The following KRT25 variants were observed in gnomAD, a reference collection of about 807,000 sequenced individuals.
KRT25 encodes the protein keratin, type I cytoskeletal 25.
A neutral mutation model predicts 47.6 loss-of-function variants in KRT25; 37 were observed. The ratio of observed to expected loss-of-function variants is 0.78; its 90% confidence interval spans 0.60 to 1.02. The LOEUF is 1.02. KRT25 is among the 50% of genes least tolerant of loss of function. The probability of loss-of-function intolerance (pLI) is 0.00; values close to 1 mark genes in which losing one functional copy is unlikely to be tolerated. For synonymous variants in KRT25, 203 were observed against 210.2 expected, an observed-to-expected ratio of 0.97 and a Z score of 0.30; for missense variants, 542 against 550.3, an observed-to-expected ratio of 0.98 and a Z score of 0.15.
intron 3 of KRT25, among the ~76,000 whole-genome samples, chr17:40,752,116 A>G (rs2038055841): frequency 1.3e-5 from 2 of 152,184 alleles, no homozygotes; most frequent in Admixed American, 1.3e-4. Flanking sequence ...GAGGATAATT[A>G]AAAACCCTTC....
At position 40,750,361 on chromosome 17, in the gene KRT25, T is replaced by C. The variant is rs534059703; in HGVS notation, c.1175+19A>G. ...AGATTTCAGTATATTACGCCATCTA[T>C]GCAGATTATTTTACCTACCCATCAT... On this transcript the variant is annotated intron_variant, in intron 6 of 7. Transcript: ENST00000312150. 11 of 1,611,394 alleles carry C rather than the reference T, an allele frequency of 6.8e-6. No homozygotes were observed. The South Asian group carries it at 9.9e-5, about 14-fold the overall frequency.
intron 2 of KRT25, 116 bp from the exon 3 acceptor site, chr17:40,754,132 C>T (rs565684250): frequency 2.9e-6 from 3 of 1,027,988 alleles, no homozygotes; most frequent in African/African-American, 3.2e-5. Flanking sequence ...CCACAAGAGG[C>T]ATTTTCAAAG....
chr17:40,754,153 A>G (rs1171189996), intron 2 of KRT25, 137 bp from the exon 3 acceptor site: 2 of 891,314 alleles, frequency 2.2e-6, no homozygotes, highest in African/African-American at 1.7e-5. Context: ...CTTGTTGTAT[A>G]ATAATTATTG....
rs771083420 is a variant in KRT25 at position 40,751,191 on chromosome 17, C to T, written c.805G>A (p.Asp269Asn). The T allele has an allele frequency of 1.2e-6, 2 of 1,614,078 alleles. No homozygotes were observed. Among genetic ancestry groups the T allele is most frequent in the Non-Finnish European group, 8.5e-7 (1 of 1,180,024 alleles). ...YEALAEQNRR[D>N]AEAWFNEKSA... ...TTCTCGTTGAACCAGGCCTCCGCGTCCCTGCGGTTCTGCTCTGCAAGGGCT... is the reference window on the plus strand; with the variant it reads ...TTCTCGTTGAACCAGGCCTCCGCGTTCCTGCGGTTCTGCTCTGCAAGGGCT... Residue 269 changes from aspartate (D) to asparagine (N), a missense_variant, in exon 4 of 8, where the codon GAC becomes AAC. Physicochemically the swap from Asp to Asn is conservative, Grantham distance 23. Transcript: ENST00000312150.
At chr17:40,750,344 G>A in intron 6 of KRT25, 36 bp downstream of exon 6, 1 of 1,601,580 alleles carries the variant, frequency 6.2e-7, no homozygotes, top group Non-Finnish European at 8.6e-7. Flanking sequence ...GCAGATTTCA[G>A]TATATTACGC....
rs895041919 is a variant in KRT25, at chr17:40,750,319, G to A, written c.1175+61C>T. On this transcript the variant is annotated intron_variant, in intron 6 of 7. Coordinates refer to ENST00000312150, the MANE Select transcript of KRT25 (RefSeq NM_181534.4). ...TATGTCCGCTTTCCAGTGGAAAGTG[G>A]GATCTAAGTTGCAAGCAGATTTCAG... is the stretch of plus-strand genomic sequence containing the variant. The A allele has an allele frequency of 2.9e-5, 45 of 1,533,562 alleles. No homozygotes were observed. The African/African-American group carries it at 5.5e-4, about 19-fold the overall frequency. The allele number at this position is 1,533,562 out of a possible 1,614,324, so 95.0% of individuals were successfully genotyped here. A position where few individuals can be genotyped will look rare whatever the true frequency, so the allele number is the denominator to read the frequency against.
In KRT25 at chr17:40,754,009, T is replaced by C. The variant is rs774300352; in HGVS notation, c.520A>G (p.Asn174Asp). The part of the protein sequence containing the change: ...TADDFRLKYE[N>D]ELALHQSVEA... ...ACACTCTGGTGAAGAGCCAGCTCAT[T>C]TTCATACCTTAAAGAGTGTTAATGA... The change falls in exon 3 of 8, where the codon AAT (asparagine) becomes GAT (aspartate). Residue 174 changes from asparagine (N) to aspartate (D), a missense_variant. Coordinates refer to ENST00000312150, the MANE Select transcript of KRT25 (RefSeq NM_181534.4). 1 of 1,614,028 alleles carries C rather than the reference T, an allele frequency of 6.2e-7. No individual in the cohort carries two copies. Among genetic ancestry groups the C allele is most frequent in the Non-Finnish European group, 8.5e-7 (1 of 1,179,924 alleles).
chr17:40,749,150 G>A lies in KRT25; in HGVS notation c.1243+108C>T, dbSNP rs181222157. ...CAAATAATATGCACAACAAACCTCC[G>A]TGACACGTGTTTACCTATGTAACAA... On this transcript the variant is annotated intron_variant, in intron 7 of 7. Transcript: ENST00000312150. The A allele has an allele frequency of 5.2e-4, 407 of 789,922 alleles. 3 individuals carry two copies. The East Asian group carries it at 9.3e-3, about 18-fold the overall frequency. 48.9% of individuals were successfully genotyped at this position (789,922 alleles called of 1,614,324 possible). A position where few individuals can be genotyped will look rare whatever the true frequency, so the allele number is the denominator to read the frequency against.
At chr17:40,755,345 T>C (rs2038097866), upstream of KRT25, 32 of 1,443,458 alleles carry the variant, frequency 2.2e-5, no homozygotes, top group Non-Finnish European at 2.7e-5. Flanking sequence ...CTAAAAGGTT[T>C]GGTTTGCCTT....
At chr17:40,754,352 C>T (rs556339566) in intron 2 of KRT25, 34 bp downstream of exon 2, 14 of 1,534,688 alleles carry the variant, frequency 9.1e-6, no homozygotes, top group East Asian at 2.2e-5. Context: ...GCATGAATTG[C>T]CATGAATTCA....
rs2038035636 is a variant in KRT25 at position 40,750,470 on chromosome 17, T to C, written c.1085A>G (p.Gln362Arg). The C allele has an allele frequency of 6.2e-7, 1 of 1,614,090 alleles. No homozygotes were observed. Among genetic ancestry groups the C allele is most frequent in the Non-Finnish European group, 8.5e-7 (1 of 1,179,940 alleles). The change falls in exon 6 of 8, where the codon CAG (glutamine) becomes CGG (arginine). Residue 362 changes from glutamine (Q) to arginine (R), a missense_variant. Coordinates refer to ENST00000312150, the MANE Select transcript of KRT25 (RefSeq NM_181534.4). ...CAGGAGCTGCTCATACTCCAGCTTC[T>C]GGCCCTCGGTCTCGGTTCTGACCTG... Reference protein sequence around the residue: ...LHQVRTETEGQKLEYEQLLDI... With the variant: ...LHQVRTETEGRKLEYEQLLDI...
At chr17:40,749,430 A>C in intron 6 of KRT25, 105 bp from the exon 7 acceptor site, 1 of 834,884 alleles carries the variant, frequency 1.2e-6, no homozygotes, top group East Asian at 2.4e-5. Context: ...TGTGTAACCC[A>C]GTATTTGATT....
At chr17:40,748,707 G>A (rs74826216) in intron 7 of KRT25, among the ~76,000 whole-genome samples, 2,334 of 152,210 alleles carry the variant, frequency 0.015, 54 homozygotes, top group African/African-American at 0.053. Context: ...TGAAGTAGTT[G>A]GGTATATATA....
In KRT25 at chr17:40,754,373, G is replaced by C. The variant is rs1427459272; in HGVS notation, c.512+13C>G. 1 of 1,603,986 alleles carries C rather than the reference G, an allele frequency of 6.2e-7. No homozygotes were observed. Among genetic ancestry groups the C allele is most frequent in the Non-Finnish European group, 8.5e-7 (1 of 1,171,082 alleles). ...ATTGCCATGAATTCATTTCACTCTG[G>C]CAGTCTACTTACTTGAGTCTGAAAT... On this transcript the variant is annotated intron_variant, in intron 2 of 7. Coordinates refer to ENST00000312150, the MANE Select transcript of KRT25 (RefSeq NM_181534.4).
Position 40,750,509 on chromosome 17 carries a change from T to A in KRT25, c.1046A>T (p.Glu349Val). The A allele has an allele frequency of 6.2e-7, 1 of 1,614,176 alleles. No individual in the cohort carries two copies. The highest frequency in any genetic ancestry group is 8.5e-7 in the Non-Finnish European group (1 of 1,180,002). The change falls in exon 6 of 8, where the codon GAG (glutamate) becomes GTG (valine). Residue 349 changes from glutamate (E) to valine (V), a missense_variant. Glu to Val is a moderately radical substitution (Grantham distance 121, BLOSUM62 -2). Coordinates refer to ENST00000312150, the MANE Select transcript of KRT25 (RefSeq NM_181534.4). The part of the protein sequence containing the change: ...AQIQAQIGAL[E>V]EQLHQVRTET... ...GGTTCTGACCTGGTGCAGCTGCTCCTCCAGGGCCCCGATCTGAGCCTGGAT... is the reference window on the plus strand; with the variant it reads ...GGTTCTGACCTGGTGCAGCTGCTCCACCAGGGCCCCGATCTGAGCCTGGAT...
Position 40,750,954 on chromosome 17 carries a change from C to T in KRT25, c.957G>A (p.Thr319=), listed in dbSNP as rs2144124425. ...TGAAAAAAAATTGTTCTTTTCATAC[C>T]GTGGCTAGGAGAGACTGAAGTTCAA... ...LEIELQSLLA[T]KHSLECSLTE... The change falls in exon 5 of 8, where the codon ACG becomes ACA. Residue 319 remains threonine, a splice_region_variant and synonymous_variant. Coordinates refer to ENST00000312150, the MANE Select transcript of KRT25 (RefSeq NM_181534.4). 1 of 1,613,520 alleles carries T rather than the reference C, an allele frequency of 6.2e-7. No individual in the cohort carries two copies. The highest frequency in any genetic ancestry group is 2.2e-5 in the East Asian group (1 of 44,864).
chr17:40,751,075 G>A lies in KRT25; in HGVS notation c.836C>T (p.Ala279Val). 1 of 1,614,144 alleles carries A rather than the reference G, an allele frequency of 6.2e-7. No homozygotes were observed. The highest frequency in any genetic ancestry group is 1.1e-5 in the South Asian group (1 of 91,080). Residue 279 changes from alanine to valine, a missense_variant, in exon 5 of 8, where the codon GCC becomes GTC. Ala to Val is a moderately conservative substitution (Grantham distance 64). Coordinates refer to ENST00000312150, the MANE Select transcript of KRT25 (RefSeq NM_181534.4). ...DAEAWFNEKS[A>V]SLQQQISEDV... ...CTCAGAGATCTGCTGCTGCAGGGAG[G>A]CGCTCTGAAATGACATAAGTGAAGG... is the stretch of plus-strand genomic sequence containing the variant.
chr17:40,748,223 A>G lies in KRT25; in HGVS notation c.*54T>C. 1 of 1,164,498 alleles carries G rather than the reference A, an allele frequency of 8.6e-7. No individual in the cohort carries two copies. The allele number at this position is 1,164,498 out of a possible 1,614,324, so 72.1% of individuals were successfully genotyped here. A position where few individuals can be genotyped will look rare whatever the true frequency, so the allele number is the denominator to read the frequency against. On this transcript the variant is annotated 3_prime_UTR_variant, in exon 8 of 8. Coordinates refer to ENST00000312150, the MANE Select transcript of KRT25 (RefSeq NM_181534.4). ...TGCACATTTTTCTGGACAGATACATAATGCCTTTTCTTCGCAGGGGCTATG... is the reference window on the plus strand; with the variant it reads ...TGCACATTTTTCTGGACAGATACATGATGCCTTTTCTTCGCAGGGGCTATG...
At chr17:40,748,458 T>A in intron 7 of KRT25, 72 bp from the exon 8 acceptor site, 2 of 960,966 alleles carry the variant, frequency 2.1e-6, no homozygotes, top group Non-Finnish European at 3.1e-6. Context: ...TTTAAAGGAA[T>A]AATAGGATTT....
Sources: allele counts gnomAD v4.1 joint callset (sites outside exome capture counted in the v4.1 genomes callset), GRCh38; gene constraint gnomAD v4.1.1; transcripts MANE v1.5; gene names NCBI Gene and HGNC (gene_info 2026-07-23, HGNC 2026-07-21).